The following SNX18 variants were observed in gnomAD, a reference collection of about 807,000 sequenced individuals.
SNX18 encodes the protein sorting nexin 18.
In SNX18, 35 loss-of-function variants were observed where a neutral mutation model predicts 48.7. The ratio of observed to expected loss-of-function variants is 0.72; its 90% confidence interval spans 0.55 to 0.95. The LOEUF is 0.95. Ranked by LOEUF, SNX18 falls within the 40% of genes least tolerant of loss-of-function variation. The pLI, the probability that SNX18 is intolerant of heterozygous loss-of-function variation, is 0.00. For missense variants in SNX18, 824 were observed against 871.0 expected, an observed-to-expected ratio of 0.95 and a Z score of 0.68; for synonymous variants, 492 against 384.7, an observed-to-expected ratio of 1.28 and a Z score of -3.26.
chr5:54,573,387 T>C, the SNX18 span, among the ~76,000 whole-genome samples: 1 of 152,166 alleles, frequency 6.6e-6, no homozygotes, highest in Admixed American at 6.5e-5. Flanking sequence ...GAACTCTCCC[T>C]TGAGATCTGG....
the SNX18 span, among the ~76,000 whole-genome samples, chr5:54,616,200 T>C: frequency 6.6e-6 from 1 of 152,184 alleles, no homozygotes; most frequent in South Asian, 2.1e-4. Flanking sequence ...GCTTGCTTTG[T>C]TCATGATTGT....
At chr5:54,589,767 A>C in the SNX18 span, among the ~76,000 whole-genome samples, 1 of 152,232 alleles carries the variant, frequency 6.6e-6, no homozygotes, top group African/African-American at 2.4e-5. Context: ...ATTCTGCAAA[A>C]CTAGAGGAAA....
chr5:54,630,254 T>G, the SNX18 span, among the ~76,000 whole-genome samples: 1 of 152,140 alleles, frequency 6.6e-6, no homozygotes. Flanking sequence ...CTCTCCAAAG[T>G]TGGAAGTCTT....
the SNX18 span, among the ~76,000 whole-genome samples, chr5:54,636,082 C>G: frequency 1.3e-5 from 2 of 152,168 alleles, no homozygotes; most frequent in African/African-American, 4.8e-5. Context: ...AGGAGAAAGG[C>G]TTAGCTGGGT....
chr5:54,586,541 C>A, the SNX18 span, among the ~76,000 whole-genome samples: 4 of 152,100 alleles, frequency 2.6e-5, no homozygotes, highest in Non-Finnish European at 5.9e-5. Context: ...GACAGAGGGG[C>A]AGAAGGAATA....
At chr5:54,647,512 A>G in the SNX18 span, among the ~76,000 whole-genome samples, 1 of 152,312 alleles carries the variant, frequency 6.6e-6, no homozygotes, top group Non-Finnish European at 1.5e-5. Flanking sequence ...GAGATATTAC[A>G]TAGCCTGGCA....
At chr5:54,567,793 G>T in the SNX18 span, among the ~76,000 whole-genome samples, 1 of 152,152 alleles carries the variant, frequency 6.6e-6, no homozygotes, top group Non-Finnish European at 1.5e-5. Flanking sequence ...ACCTCACCTC[G>T]ACCCAGCATT....
chr5:54,552,680 T>C, the SNX18 span, among the ~76,000 whole-genome samples: 1 of 133,920 alleles, frequency 7.5e-6, no homozygotes, highest in Non-Finnish European at 1.6e-5. Flanking sequence ...TCTGCAGATA[T>C]TTATTGAATG....
chr5:54,636,922 A>T, the SNX18 span, among the ~76,000 whole-genome samples: 1 of 152,204 alleles, frequency 6.6e-6, no homozygotes, highest in Non-Finnish European at 1.5e-5. Context: ...TTCTTTCTTA[A>T]CCACTATGCC....
the SNX18 span, among the ~76,000 whole-genome samples, chr5:54,600,342 G>C: frequency 6.6e-6 from 1 of 152,184 alleles, no homozygotes; most frequent in Admixed American, 6.5e-5. Flanking sequence ...ATGCTGGCAA[G>C]GTTGCAGAGA....
At chr5:54,640,921 G>A in the SNX18 span, among the ~76,000 whole-genome samples, 1 of 152,170 alleles carries the variant, frequency 6.6e-6, no homozygotes, top group African/African-American at 2.4e-5. Flanking sequence ...TTAGCTGAGT[G>A]TGGTGGCACA....
intron 1 of SNX18, among the ~76,000 whole-genome samples, chr5:54,540,375 C>G (rs1347082197): frequency 6.6e-6 from 1 of 152,080 alleles, no homozygotes; most frequent in Non-Finnish European, 1.5e-5. Flanking sequence ...ACTGCCATGA[C>G]TGGCTAATTT....
intron 1 of SNX18, among the ~76,000 whole-genome samples, chr5:54,522,040 T>C (rs1308460496): frequency 6.6e-6 from 1 of 152,242 alleles, no homozygotes; most frequent in Non-Finnish European, 1.5e-5. Flanking sequence ...GTATAGTTTG[T>C]TTCTGCTGTA....
At chr5:54,548,252 C>T (rs988474605), downstream of SNX18, among the ~76,000 whole-genome samples, 8 of 152,134 alleles carry the variant, frequency 5.3e-5, no homozygotes, top group Non-Finnish European at 5.9e-5. Flanking sequence ...ACCAATTGTC[C>T]ATGTGAAGCC....
chr5:54,551,639 A>T, the SNX18 span, among the ~76,000 whole-genome samples: 5 of 152,198 alleles, frequency 3.3e-5, no homozygotes. Context: ...GATATTCCAT[A>T]ATGGTCACAT....
chr5:54,638,507 T>C, the SNX18 span, among the ~76,000 whole-genome samples: 1 of 147,734 alleles, frequency 6.8e-6, no homozygotes, highest in Non-Finnish European at 1.5e-5. Flanking sequence ...TTAAAAAAAT[T>C]TTTTGGTGAA....
At position 54,518,065 on chromosome 5, in the gene SNX18, G is replaced by A; in HGVS notation, c.113G>A (p.Trp38Ter). The change falls in exon 1 of 2, where the codon TGG (tryptophan) becomes TAG (stop). Residue 38 changes from tryptophan to a stop codon, truncating the protein, a stop_gained. Transcript: ENST00000381410. LOFTEE classifies it high-confidence loss of function. ...TGCAGCGAGCAGGACATCGAGGGCTGGCTCGAGGGGGTCAACAGCCGCGGC... is the reference window on the plus strand; with the variant it reads ...TGCAGCGAGCAGGACATCGAGGGCTAGCTCGAGGGGGTCAACAGCCGCGGC... ...SLCSEQDIEG[W>*]LEGVNSRGDR... 1 of 1,543,772 alleles carries A rather than the reference G, an allele frequency of 6.5e-7. No homozygotes were observed. Among genetic ancestry groups the A allele is most frequent in the Non-Finnish European group, 8.7e-7 (1 of 1,150,408 alleles).
chr5:54,518,883 C>A lies in SNX18; in HGVS notation c.931C>A (p.Arg311=), dbSNP rs750510825. Residue 311 remains arginine, a synonymous_variant, in exon 1 of 2, where the codon CGG becomes AGG. Transcript: ENST00000381410. ...VPTHTQVPVH[R]RYKHFDWLYA... is the part of the protein sequence containing the mutation. ...CACGCACACGCAGGTGCCGGTGCAT[C>A]GGCGCTACAAGCACTTCGACTGGCT... The A allele has an allele frequency of 5.6e-6, 9 of 1,613,780 alleles. No homozygotes were observed. The South Asian group carries it at 9.9e-5, about 18-fold the overall frequency.
At chr5:54,606,826 G>C in the SNX18 span, among the ~76,000 whole-genome samples, 1 of 152,070 alleles carries the variant, frequency 6.6e-6, no homozygotes, top group South Asian at 2.1e-4. Flanking sequence ...GTACTCACGT[G>C]TGTGTATGTG....
Sources: allele counts gnomAD v4.1 joint callset (sites outside exome capture counted in the v4.1 genomes callset), GRCh38; gene constraint gnomAD v4.1.1; transcripts MANE v1.5; gene names NCBI Gene and HGNC (gene_info 2026-07-23, HGNC 2026-07-21).